Variants in CDH9 observed in about 807,000 individuals in gnomAD.
The protein encoded by CDH9 is cadherin-9.
A neutral mutation model predicts 70.9 loss-of-function variants in CDH9; 28 were observed. The ratio of observed to expected loss-of-function variants is 0.40; its 90% CI spans 0.29 to 0.54. The LOEUF (loss-of-function observed/expected upper bound fraction) is 0.54, where lower values mean the gene tolerates loss of function less well. CDH9 is among the 20% of genes least tolerant of loss of function. The probability of loss-of-function intolerance (pLI) is 0.59; values close to 1 mark genes in which losing one functional copy is unlikely to be tolerated. For synonymous variants in CDH9, 409 were observed against 343.1 expected (o/e 1.19, Z -2.12); for missense variants, 874 against 984.4 (o/e 0.89, Z 1.50).
At position 26,889,865 on chromosome 5, in the gene CDH9, A is replaced by G. The variant is rs147443121; in HGVS notation, c.1483T>C (p.Phe495Leu). ...CCAGGTTTTGCATTTTCACAAACAA[A>G]TGTTTCATAATACATGGCAAATTCC... Reference protein sequence around the residue: ...APEFAMYYETFVCENAKPGQL... With the variant: ...APEFAMYYETLVCENAKPGQL... Residue 495 changes from phenylalanine to leucine, a missense_variant, in exon 9 of 12, where the codon TTT (phenylalanine) becomes CTT (leucine). Physicochemically the swap from Phe to Leu is conservative, Grantham distance 22. Transcript: ENST00000231021. 1.6e-5 allele frequency: 26 copies of G among 1,597,604 alleles called. No homozygotes were observed. Among genetic ancestry groups the G allele is most frequent in the Non-Finnish European group, 2.1e-5 (24 of 1,166,644 alleles).
intron 2 of CDH9, among the ~76,000 whole-genome samples, chr5:26,971,242 T>A (rs1742214313): frequency 6.6e-6 from 1 of 152,038 alleles, no homozygotes; most frequent in African/African-American, 2.4e-5. Flanking sequence ...TTACCAGGAG[T>A]GAAATGGCAT....
At chr5:26,952,986 G>A (rs1439537432) in intron 2 of CDH9, among the ~76,000 whole-genome samples, 1 of 144,506 alleles carries the variant, frequency 6.9e-6, no homozygotes, top group African/African-American at 2.6e-5. Context: ...GAAAATTAAA[G>A]AATTTCATAA....
intron 1 of CDH9, among the ~76,000 whole-genome samples, chr5:27,019,207 T>C (rs1743095380): frequency 6.6e-6 from 1 of 151,942 alleles, no homozygotes. Flanking sequence ...AGGAAAGCTA[T>C]GGAAGAATGG....
intron 2 of CDH9, among the ~76,000 whole-genome samples, chr5:26,969,869 G>GC (rs1195718377): frequency 4.8e-4 from 2 of 4,148 alleles, no homozygotes; most frequent in East Asian, 0.17. Context: ...TTACTGGCTG[G>GC]TTAAAAAATG....
At chr5:27,011,712 T>C (rs1742962556) in intron 1 of CDH9, among the ~76,000 whole-genome samples, 1 of 152,076 alleles carries the variant, frequency 6.6e-6, no homozygotes, top group Non-Finnish European at 1.5e-5. Flanking sequence ...TTTTCAGCTA[T>C]GCTTTAGCAG....
intron 1 of CDH9, among the ~76,000 whole-genome samples, chr5:26,988,766 C>T (rs1484156221): frequency 2.0e-5 from 3 of 152,004 alleles, no homozygotes; most frequent in Non-Finnish European, 2.9e-5. Context: ...CATATACATA[C>T]GTGTATGAAA....
In CDH9 at chr5:26,902,492, T is replaced by G. The variant is rs781489995; in HGVS notation, c.1237A>C (p.Arg413=). 285 of 1,600,842 alleles carry G rather than the reference T, an allele frequency of 1.8e-4. No individual in the cohort carries two copies. Among genetic ancestry groups the G allele is most frequent in the Non-Finnish European group, 2.3e-4 (272 of 1,169,356 alleles). The stretch of plus-strand genomic sequence containing the variant: ...AGTACTTACTTTATTAAATTGTTCC[T>G]GGCATCTGGATCGTATGCTGTAACC... ...GQVTAYDPDA[R]NNLIKYSVDR... is the part of the protein sequence containing the mutation. Residue 413 remains arginine (R), a synonymous_variant, in exon 7 of 12, where the codon AGG becomes CGG. Coordinates refer to ENST00000231021, the MANE Select transcript of CDH9 (RefSeq NM_016279.4).
intron 5 of CDH9, among the ~76,000 whole-genome samples, chr5:26,904,334 A>G (rs1055300755): frequency 1.3e-5 from 2 of 151,100 alleles, no homozygotes; most frequent in Non-Finnish European, 3.0e-5. Context: ...GGATGTTTGT[A>G]TTTTTTGTAG....
At chr5:27,005,188 T>G (rs11747460) in intron 1 of CDH9, among the ~76,000 whole-genome samples, 16 of 152,106 alleles carry the variant, frequency 1.1e-4, no homozygotes, top group Non-Finnish European at 2.1e-4. Flanking sequence ...CAAATTAATT[T>G]AGAAAATACA....
chr5:26,931,302 A>G (rs1741458340), intron 2 of CDH9, among the ~76,000 whole-genome samples: 2 of 152,140 alleles, frequency 1.3e-5, no homozygotes, highest in African/African-American at 4.8e-5. Context: ...GTCTGGGCAG[A>G]GTACAAAGGG....
chr5:26,975,445 T>C (rs974648425), intron 2 of CDH9, among the ~76,000 whole-genome samples: 6 of 152,162 alleles, frequency 3.9e-5, no homozygotes, highest in African/African-American at 1.2e-4. Flanking sequence ...ACCTAATGAA[T>C]TGAAACATGA....
intron 2 of CDH9, among the ~76,000 whole-genome samples, chr5:26,950,759 G>A (rs953501472): frequency 2.6e-5 from 4 of 152,082 alleles, no homozygotes; most frequent in African/African-American, 9.7e-5. Flanking sequence ...CAAATCTGGA[G>A]TAACATTATG....
At chr5:26,966,607 C>T (rs1329596117) in intron 2 of CDH9, among the ~76,000 whole-genome samples, 1 of 152,060 alleles carries the variant, frequency 6.6e-6, no homozygotes, top group African/African-American at 2.4e-5. Context: ...TTAGAGATTT[C>T]TTCACAATTT....
chr5:26,976,185 C>A (rs1044450793), intron 2 of CDH9, among the ~76,000 whole-genome samples: 105 of 152,230 alleles, frequency 6.9e-4, no homozygotes, highest in African/African-American at 2.4e-3. Flanking sequence ...CTGTAGATCT[C>A]AAGCAGGGGC....
intron 2 of CDH9, among the ~76,000 whole-genome samples, chr5:26,924,114 G>A (rs1402939994): frequency 6.6e-6 from 1 of 151,694 alleles, no homozygotes; most frequent in East Asian, 1.9e-4. Flanking sequence ...CAGAAACATG[G>A]TTTGTTGAAA....
In CDH9 at chr5:26,902,743, A is replaced by G. The variant is rs1396415524; in HGVS notation, c.1000-14T>C. ...AAAATCTAAATTCTGGAGTTAAATA[A>G]CATAAAAGAAATTAGCATAATTCAG... is the stretch of plus-strand genomic sequence containing the variant. On this transcript the variant is annotated splice_polypyrimidine_tract_variant and intron_variant, in intron 6 of 11. Transcript: ENST00000231021. 6.2e-6 allele frequency: 9 copies of G among 1,452,004 alleles called. No homozygotes were observed. Among genetic ancestry groups the G allele is most frequent in the Non-Finnish European group, 8.7e-6 (9 of 1,040,142 alleles). The allele number at this position is 1,452,004 out of a possible 1,614,324, so 89.9% of individuals were successfully genotyped here.
intron 2 of CDH9, among the ~76,000 whole-genome samples, chr5:26,953,929 A>G (rs1741895369): frequency 6.6e-6 from 1 of 152,018 alleles, no homozygotes; most frequent in African/African-American, 2.4e-5. Context: ...GCTTTTCTGT[A>G]TACTATATGA....
chr5:26,913,206 C>T (rs1741083881), intron 3 of CDH9, among the ~76,000 whole-genome samples: 2 of 152,066 alleles, frequency 1.3e-5, no homozygotes, highest in African/African-American at 4.8e-5. Flanking sequence ...TTTAATTCTT[C>T]TGGGCTCATG....
rs561047249 is a variant in CDH9, at chr5:26,986,793, AAGTGATG to A, written c.228+1306_228+1312del. On this transcript the variant is annotated intron_variant, in intron 2 of 11. Transcript: ENST00000231021. The stretch of plus-strand genomic sequence containing the variant: ...TGTTAGTTATTAACTGTAGTGTGAA[AAGTGATG>A]TTAAATGAGGGATGCCTGAGGATGC... Among the ~76,000 whole-genome samples, 28 of 152,172 alleles carry A rather than the reference AAGTGATG, an allele frequency of 1.8e-4. 1 individual carries two copies. The South Asian group carries it at 5.4e-3, about 29-fold the overall frequency.
Sources: gnomAD v4.1 joint callset for allele counts (sites outside exome capture counted in the v4.1 genomes callset) on GRCh38, gnomAD v4.1.1 for gene constraint, MANE v1.5 for transcripts, NCBI Gene and HGNC (gene_info 2026-07-23, HGNC 2026-07-21) for gene names.